RARS2: variants seen among roughly 807,000 people sequenced by gnomAD.
RARS2 encodes the protein probable arginine--tRNA ligase, mitochondrial.
Under a neutral mutation model 88.5 loss-of-function variants are expected in RARS2, and 67 were observed. That is an observed-to-expected ratio of 0.76 (90% confidence interval 0.62 to 0.93). The LOEUF (loss-of-function observed/expected upper bound fraction) is 0.93. RARS2 is among the 40% of genes least tolerant of loss of function. RARS2 has a pLI of 0.00. For missense variants in RARS2, 664 were observed against 684.2 expected, an observed-to-expected ratio of 0.97 and a Z score of 0.33; for synonymous variants, 239 against 230.3, an observed-to-expected ratio of 1.04 and a Z score of -0.34.
In RARS2 at chr6:87,564,111, G is replaced by A. The variant is rs778516139; in HGVS notation, c.213+19C>T. The A allele has an allele frequency of 3.2e-6, 5 of 1,542,120 alleles. No individual in the cohort carries two copies. Among genetic ancestry groups the A allele is most frequent in the South Asian group, 1.1e-5 (1 of 89,624 alleles). ...CAAGTTTATTACAATGTCAAAAAGA[G>A]ATAATAGTGCTAACGTACCTTCTCT... On this transcript the variant is annotated intron_variant, in intron 3 of 19. Transcript: ENST00000369536.
chr6:87,530,920 T>G lies in RARS2; in HGVS notation c.635A>C (p.Glu212Ala). 1 of 1,614,180 alleles carries G rather than the reference T, an allele frequency of 6.2e-7. No homozygotes were observed. The highest frequency in any genetic ancestry group is 8.5e-7 in the Non-Finnish European group (1 of 1,180,030). The change falls in exon 9 of 20, where the codon GAA becomes GCA. Residue 212 changes from glutamate to alanine, a missense_variant. Physicochemically the swap from Glu to Ala is moderately radical, Grantham distance 107. Coordinates refer to ENST00000369536, the MANE Select transcript of RARS2 (RefSeq NM_020320.5). ...LFEVYVQVNK[E>A]AADDKSVAKA... is the part of the protein sequence containing the mutation. Reference sequence around the variant, plus strand: ...TGCTACACTTTTATCATCTGCTGCTTCTTTATTAACTTGTACATAAACCTA... The same window carrying G: ...TGCTACACTTTTATCATCTGCTGCTGCTTTATTAACTTGTACATAAACCTA...
chr6:87,578,117 C>CA (rs1772192298), intron 1 of RARS2, among the ~76,000 whole-genome samples: 1 of 138,380 alleles, frequency 7.2e-6, no homozygotes, highest in Non-Finnish European at 1.6e-5. Flanking sequence ...ACCCCCCCCC[C>CA]CGCCATCTCT....
At chr6:87,541,249 T>C (rs1780853395) in intron 8 of RARS2, among the ~76,000 whole-genome samples, 1 of 152,166 alleles carries the variant, frequency 6.6e-6, no homozygotes. Flanking sequence ...TGACTACAGC[T>C]CACTGTAGCC....
At chr6:87,563,943 T>C (rs1383748192) in intron 3 of RARS2, among the ~76,000 whole-genome samples, 187 bp downstream of exon 3, 1 of 152,196 alleles carries the variant, frequency 6.6e-6, no homozygotes, top group Admixed American at 6.5e-5. Flanking sequence ...GAGGAGTGCT[T>C]TATAACTAAT....
At chr6:87,584,817 A>C (rs34008333) in intron 1 of RARS2, 14,875 of 429,628 alleles carry the variant, frequency 0.035, 345 homozygotes, top group Non-Finnish European at 0.047. Flanking sequence ...CCCAAGACCC[A>C]GGGCTTCTCT....
intron 1 of RARS2, among the ~76,000 whole-genome samples, chr6:87,573,238 G>C (rs1251153256): frequency 6.6e-6 from 1 of 152,158 alleles, no homozygotes; most frequent in East Asian, 1.9e-4. Flanking sequence ...CACGGTGGGA[G>C]CAGGAGGAAA....
Position 87,520,234 on chromosome 6 carries a change from T to G in RARS2, c.1058A>C (p.His353Pro), listed in dbSNP as rs1407596280. The change falls in exon 13 of 20, where the codon CAT becomes CCT. Residue 353 changes from histidine to proline, a missense_variant. Transcript: ENST00000369536. The stretch of plus-strand genomic sequence containing the variant: ...CAGCATTTGGAATACTTGCTGAAAA[T>G]GCTTTTTTTGTCCTTTATCTGTCTT... ...IYVTDKGQKK[H>P]FQQVFQMLKI... is the part of the protein sequence containing the mutation. The G allele has an allele frequency of 6.2e-7, 1 of 1,612,554 alleles. No homozygotes were observed. The highest frequency in any genetic ancestry group is 8.5e-7 in the Non-Finnish European group (1 of 1,178,954).
chr6:87,532,080 T>C (rs1582409840), intron 8 of RARS2, among the ~76,000 whole-genome samples: 1 of 152,162 alleles, frequency 6.6e-6, no homozygotes, highest in Non-Finnish European at 1.5e-5. Flanking sequence ...ACCCACTAGA[T>C]ACTACCAACA....
intron 2 of RARS2, among the ~76,000 whole-genome samples, chr6:87,566,635 A>G (rs1465838186): frequency 1.3e-5 from 2 of 151,944 alleles, no homozygotes; most frequent in African/African-American, 4.8e-5. Flanking sequence ...GCTTGAGCTG[A>G]GGAGTTCAAG....
At chr6:87,563,421 CAAAT>C (rs1486049111) in intron 3 of RARS2, among the ~76,000 whole-genome samples, 7 of 152,134 alleles carry the variant, frequency 4.6e-5, no homozygotes, top group African/African-American at 1.7e-4. Flanking sequence ...ATTTTCTGAT[CAAAT>C]AAATATTTAC....
intron 2 of RARS2, among the ~76,000 whole-genome samples, chr6:87,568,468 C>G (rs1443194939): frequency 6.6e-6 from 1 of 152,224 alleles, no homozygotes; most frequent in Non-Finnish European, 1.5e-5. Context: ...CCACTGCCCT[C>G]CAGCTTGGGT....
intron 5 of RARS2, among the ~76,000 whole-genome samples, chr6:87,550,334 C>T (rs1334843642): frequency 6.6e-6 from 1 of 152,076 alleles, no homozygotes; most frequent in Non-Finnish European, 1.5e-5. Flanking sequence ...GGAGTCCTAG[C>T]GCTGCACCAC....
chr6:87,531,446 G>A (rs1161613608), intron 8 of RARS2, among the ~76,000 whole-genome samples: 2 of 152,124 alleles, frequency 1.3e-5, no homozygotes, highest in Non-Finnish European at 2.9e-5. Flanking sequence ...AACAGCTAAC[G>A]GATGATTTAG....
intron 11 of RARS2, among the ~76,000 whole-genome samples, chr6:87,524,001 A>C (rs1384223175): frequency 6.6e-6 from 1 of 152,220 alleles, no homozygotes; most frequent in African/African-American, 2.4e-5. Flanking sequence ...TTGGTTGCTT[A>C]AAGTTGTTTG....
chr6:87,521,285 C>T (rs570057840), intron 12 of RARS2, among the ~76,000 whole-genome samples, 179 bp downstream of exon 12: 221 of 152,210 alleles, frequency 1.5e-3, no homozygotes, highest in Non-Finnish European at 2.0e-3. Context: ...TACTATGAAG[C>T]AATGTAAACT....
intron 2 of RARS2, among the ~76,000 whole-genome samples, chr6:87,567,999 C>T (rs1188543217): frequency 6.6e-6 from 1 of 152,186 alleles, no homozygotes; most frequent in Admixed American, 6.5e-5. Flanking sequence ...TCTCCATCTC[C>T]TGACCTCACG....
chr6:87,564,304 C>T, intron 2 of RARS2, 72 bp from the exon 3 acceptor site: 3 of 1,065,898 alleles, frequency 2.8e-6, no homozygotes, highest in Non-Finnish European at 4.3e-6. Flanking sequence ...AGACTAATCA[C>T]TATGAGTTCT....
intron 7 of RARS2, 100 bp downstream of exon 7, chr6:87,545,516 A>T: frequency 6.6e-7 from 1 of 1,508,552 alleles, no homozygotes; most frequent in Non-Finnish European, 9.0e-7. Flanking sequence ...AGGACATACT[A>T]CTTCATCCAA....
chr6:87,527,202 G>A (rs754572327), intron 10 of RARS2, among the ~76,000 whole-genome samples: 8 of 151,976 alleles, frequency 5.3e-5, no homozygotes, highest in Non-Finnish European at 1.0e-4. Flanking sequence ...CCAGCTACTT[G>A]GGAGGCTGAG....
Sources: allele counts gnomAD v4.1 joint callset (sites outside exome capture counted in the v4.1 genomes callset), GRCh38; gene constraint gnomAD v4.1.1; transcripts MANE v1.5; gene names NCBI Gene and HGNC (gene_info 2026-07-23, HGNC 2026-07-21).